ACOXL: variants seen among roughly 807,000 people sequenced by gnomAD.
ACOXL encodes the protein acyl-CoA oxidase like.
ACOXL carries 70 observed loss-of-function variants against 71.9 expected under a neutral mutation model. That is an observed-to-expected ratio of 0.97 (90% CI 0.80 to 1.19). ACOXL has a LOEUF of 1.19. Ranked by LOEUF, ACOXL falls within the 50% of genes most tolerant of loss-of-function variation. The probability of loss-of-function intolerance (pLI) is 0.00; values close to 1 mark genes in which losing one functional copy is unlikely to be tolerated. For missense variants in ACOXL, 703 were observed against 736.3 expected (o/e 0.95, Z 0.52); for synonymous variants, 253 against 281.6 (o/e 0.90, Z 1.02).
At chr2:110,740,264 T>TTGCTC (rs1677355318) in intron 1 of ACOXL, among the ~76,000 whole-genome samples, 1 of 152,254 alleles carries the variant, frequency 6.6e-6, no homozygotes, top group Non-Finnish European at 1.5e-5. Context: ...TCCAGTTTTA[T>TTGCTC]TGCTCCCAAG....
intron 2 of ACOXL, among the ~76,000 whole-genome samples, chr2:110,770,869 C>T (rs943595167): frequency 1.3e-5 from 2 of 152,200 alleles, no homozygotes; most frequent in South Asian, 4.1e-4. Flanking sequence ...GAGAGCTGAT[C>T]CCTTAATGAG....
At chr2:111,015,825 T>C (rs766810735) in intron 14 of ACOXL, among the ~76,000 whole-genome samples, 1 of 152,150 alleles carries the variant, frequency 6.6e-6, no homozygotes, top group South Asian at 2.1e-4. Flanking sequence ...GAACAACATA[T>C]GTGAATTTTA....
intron 17 of ACOXL, chr2:111,115,505 A>G (rs371917174): frequency 2.0e-5 from 3 of 152,366 alleles, no homozygotes; most frequent in African/African-American, 7.2e-5. Flanking sequence ...AACACTGGGT[A>G]GGAATCCAGC....
At chr2:110,939,477 A>G (rs966697506) in intron 12 of ACOXL, among the ~76,000 whole-genome samples, 2 of 152,094 alleles carry the variant, frequency 1.3e-5, no homozygotes, top group African/African-American at 4.8e-5. Context: ...CTTTACTACA[A>G]CCTTACTTTG....
At chr2:110,751,217 C>T (rs1678913417) in intron 1 of ACOXL, among the ~76,000 whole-genome samples, 1 of 146,146 alleles carries the variant, frequency 6.8e-6, no homozygotes. Flanking sequence ...AGGAGAATGG[C>T]GTGAACCTGG....
intron 12 of ACOXL, among the ~76,000 whole-genome samples, chr2:110,934,358 C>G (rs3789130): frequency 6.6e-6 from 1 of 152,018 alleles, no homozygotes; most frequent in Non-Finnish European, 1.5e-5. Context: ...GCACTTCATT[C>G]GAATGCAAGC....
At chr2:111,051,283 G>A (rs973145197) in intron 16 of ACOXL, among the ~76,000 whole-genome samples, 4 of 152,148 alleles carry the variant, frequency 2.6e-5, no homozygotes, top group African/African-American at 7.2e-5. Context: ...CTGGGTTTTT[G>A]TAGATGTTAT....
At chr2:110,868,670 C>T (rs1694909380) in intron 10 of ACOXL, among the ~76,000 whole-genome samples, 1 of 152,206 alleles carries the variant, frequency 6.6e-6, no homozygotes, top group African/African-American at 2.4e-5. Context: ...CTCACTGCAG[C>T]CTCAACTTCC....
intron 12 of ACOXL, among the ~76,000 whole-genome samples, chr2:110,944,414 G>A (rs1361357506): frequency 1.3e-5 from 2 of 151,880 alleles, no homozygotes; most frequent in Non-Finnish European, 2.9e-5. Flanking sequence ...TAGGTTATTT[G>A]TGTGTTATGG....
At chr2:110,747,591 A>G (rs1172095946) in intron 1 of ACOXL, among the ~76,000 whole-genome samples, 1 of 152,148 alleles carries the variant, frequency 6.6e-6, no homozygotes, top group Admixed American at 6.6e-5. Context: ...TAAGCTGATC[A>G]CTTTCCTGGA....
intron 12 of ACOXL, among the ~76,000 whole-genome samples, chr2:110,975,683 C>A (rs573908832): frequency 6.6e-6 from 1 of 151,892 alleles, no homozygotes; most frequent in East Asian, 1.9e-4. Context: ...AATAGAGAAA[C>A]AAAAACTAAT....
chr2:111,042,303 T>G (rs576835742), intron 15 of ACOXL, among the ~76,000 whole-genome samples: 109 of 152,324 alleles, frequency 7.2e-4, no homozygotes, highest in African/African-American at 2.6e-3. Context: ...ACTCAGATTA[T>G]CAGAACAATG....
intron 1 of ACOXL, among the ~76,000 whole-genome samples, chr2:110,767,795 G>A (rs888702919): frequency 5.3e-5 from 8 of 152,168 alleles, no homozygotes; most frequent in Non-Finnish European, 7.4e-5. Flanking sequence ...CTTGTTTTAA[G>A]ATGGTCTTGG....
At chr2:110,912,113 GAAGTT>G (rs1451855862) in intron 11 of ACOXL, among the ~76,000 whole-genome samples, 3 of 151,922 alleles carry the variant, frequency 2.0e-5, no homozygotes, top group Non-Finnish European at 4.4e-5. Context: ...ATTTAACAAA[GAAGTT>G]AAAGAAGATG....
At chr2:110,951,957 C>G (rs1461180423) in intron 12 of ACOXL, among the ~76,000 whole-genome samples, 2 of 152,118 alleles carry the variant, frequency 1.3e-5, no homozygotes, top group African/African-American at 4.8e-5. Context: ...TAGGGGTGTC[C>G]TTAACCTAGT....
chr2:110,956,958 G>A (rs1013521669), intron 12 of ACOXL, among the ~76,000 whole-genome samples: 1 of 152,144 alleles, frequency 6.6e-6, no homozygotes, highest in South Asian at 2.1e-4. Flanking sequence ...CGGAGGAGCT[G>A]TCTACCGAGT....
intron 10 of ACOXL, among the ~76,000 whole-genome samples, chr2:110,855,489 A>G (rs1693118804): frequency 6.6e-6 from 1 of 152,206 alleles, no homozygotes; most frequent in Non-Finnish European, 1.5e-5. Context: ...GAGAAAATGC[A>G]CCAAACAAAT....
chr2:110,878,169 A>G (rs1000340087), intron 10 of ACOXL, among the ~76,000 whole-genome samples: 3 of 152,250 alleles, frequency 2.0e-5, no homozygotes, highest in African/African-American at 7.2e-5. Flanking sequence ...TGGATTTTCA[A>G]GAAGCAAAAG....
At chr2:110,863,623 G>C (rs1694216742) in intron 10 of ACOXL, among the ~76,000 whole-genome samples, 1 of 152,104 alleles carries the variant, frequency 6.6e-6, no homozygotes, top group Admixed American at 6.5e-5. Flanking sequence ...AACAGGGCAG[G>C]ACTAAAACCC....
Sources: allele counts gnomAD v4.1 joint callset (sites outside exome capture counted in the v4.1 genomes callset), GRCh38; gene constraint gnomAD v4.1.1; transcripts MANE v1.5; gene names NCBI Gene and HGNC (gene_info 2026-07-23, HGNC 2026-07-21).